Variants in EYA3 observed in about 807,000 individuals in gnomAD.
The protein encoded by EYA3 is protein phosphatase EYA3.
Under a neutral mutation model 80.0 loss-of-function variants are expected in EYA3, and 39 were observed. The observed-to-expected ratio is 0.49, with a 90% CI of 0.38 to 0.64. The LOEUF (loss-of-function observed/expected upper bound fraction) is 0.64, where lower values mean the gene tolerates loss of function less well. Ranked by LOEUF, EYA3 falls within the 30% of genes least tolerant of loss-of-function variation. EYA3 has a pLI of 0.00. For missense variants in EYA3, 523 were observed against 676.1 expected, an observed-to-expected ratio of 0.77 and a Z score of 2.51; for synonymous variants, 206 against 232.8, an observed-to-expected ratio of 0.88 and a Z score of 1.05.
chr1:28,035,141 T>C (rs974723309), intron 6 of EYA3, among the ~76,000 whole-genome samples: 9 of 151,998 alleles, frequency 5.9e-5, no homozygotes, highest in Admixed American at 5.9e-4. Context: ...GAGGGAGAAG[T>C]TGGCAAAAAA....
chr1:28,030,197 T>A (rs916095402), intron 6 of EYA3, among the ~76,000 whole-genome samples: 2 of 152,222 alleles, frequency 1.3e-5, no homozygotes, highest in Admixed American at 6.5e-5. Flanking sequence ...GATACTTCAG[T>A]GCAACTCAGA....
intron 2 of EYA3, among the ~76,000 whole-genome samples, chr1:28,049,032 A>T (rs1415157165): frequency 6.6e-6 from 1 of 152,216 alleles, no homozygotes; most frequent in Non-Finnish European, 1.5e-5. Context: ...TTCATATTAC[A>T]GAGAATCTGA....
At chr1:28,008,103 TTTTAG>T (rs541679249) in intron 10 of EYA3, among the ~76,000 whole-genome samples, 116 of 152,320 alleles carry the variant, frequency 7.6e-4, no homozygotes, top group Non-Finnish European at 1.4e-3. Flanking sequence ...CTTTTTCTTT[TTTTAG>T]TTTAGTTTTT....
At chr1:28,073,103 T>TTCTCTCTCTATATATATATATATATA (rs1447435853) in intron 1 of EYA3, among the ~76,000 whole-genome samples, 1 of 37,762 alleles carries the variant, frequency 2.6e-5, no homozygotes, top group Non-Finnish European at 4.3e-5. Flanking sequence ...GATGAAACTA[T>TTCTCTCTCTATATATATATATATATA]TATATATATA....
At chr1:28,061,680 A>C (rs1233521240) in intron 1 of EYA3, among the ~76,000 whole-genome samples, 1 of 152,040 alleles carries the variant, frequency 6.6e-6, no homozygotes, top group East Asian at 1.9e-4. Context: ...GCTCACTGCA[A>C]GCTCCGCCTC....
intron 4 of EYA3, among the ~76,000 whole-genome samples, chr1:28,041,853 G>C (rs1001041918): frequency 1.3e-5 from 2 of 152,050 alleles, no homozygotes; most frequent in Admixed American, 6.6e-5. Context: ...TTTGGAAGGA[G>C]CAAGAATACT....
rs1364478514 is a variant in EYA3, at chr1:28,013,461, A to G, written c.586-167T>C. The stretch of plus-strand genomic sequence containing the variant: ...CTCCAATCTAAATCAATGATTTTCA[A>G]AATGCATTCTGTGGAAACCTAAGTC... On this transcript the variant is annotated intron_variant, in intron 8 of 17. Transcript: ENST00000373871. This position sits in a 1 kb window ranked among gnomAD's most constrained non-coding sequence, Gnocchi z 4.0. Among the ~76,000 whole-genome samples the G allele has an allele frequency of 1.3e-5, 2 of 152,206 alleles. No individual in the cohort carries two copies. Among genetic ancestry groups the G allele is most frequent in the African/African-American group, 4.8e-5 (2 of 41,442 alleles).
At chr1:28,057,798 C>G (rs1644485018) in intron 2 of EYA3, among the ~76,000 whole-genome samples, 196 bp downstream of exon 2, 1 of 152,034 alleles carries the variant, frequency 6.6e-6, no homozygotes, top group African/African-American at 2.4e-5. Context: ...ATGCAATATT[C>G]ATTTCGTAAT....
In EYA3 at chr1:27,997,335, T is replaced by C. The variant is rs764046783; in HGVS notation, c.1127A>G (p.Asn376Ser). The change falls in exon 13 of 18, where the codon AAT (asparagine) becomes AGT (serine). Residue 376 changes from asparagine (N) to serine (S), a missense_variant. By Grantham distance (46) the Asn-to-Ser change is conservative. Coordinates refer to ENST00000373871, the MANE Select transcript of EYA3 (RefSeq NM_001990.4). Reference sequence around the variant, plus strand: ...TGTTTATCACCTCAAGTCTTGGCCATTGTCATCAGAAGCCACATCTTCCAC... The same window carrying C: ...TGTTTATCACCTCAAGTCTTGGCCACTGTCATCAGAAGCCACATCTTCCAC... ...VHVEDVASDD[N>S]GQDLSNYSFS... The C allele has an allele frequency of 5.6e-6, 9 of 1,614,038 alleles. No individual in the cohort carries two copies. Among genetic ancestry groups the C allele is most frequent in the Non-Finnish European group, 6.8e-6 (8 of 1,179,880 alleles).
chr1:28,021,121 G>GT (rs1642408680), intron 7 of EYA3, among the ~76,000 whole-genome samples: 1 of 152,148 alleles, frequency 6.6e-6, no homozygotes, highest in Admixed American at 6.5e-5. Flanking sequence ...GCAAGATTTA[G>GT]TTTTTACCCA....
At chr1:28,010,099 C>T (rs566302096) in intron 10 of EYA3, among the ~76,000 whole-genome samples, 1 of 152,122 alleles carries the variant, frequency 6.6e-6, no homozygotes, top group African/African-American at 2.4e-5. Flanking sequence ...TCACCTATGT[C>T]TTAAGAGCAC....
At chr1:28,040,848 G>A (rs537611786) in intron 4 of EYA3, among the ~76,000 whole-genome samples, 1 of 146,610 alleles carries the variant, frequency 6.8e-6, no homozygotes, top group East Asian at 2.0e-4. Context: ...GCCAAGGGCG[G>A]AGGGGCAGGG....
intron 1 of EYA3, among the ~76,000 whole-genome samples, chr1:28,076,041 C>T (rs1223202746): frequency 6.6e-6 from 1 of 152,198 alleles, no homozygotes; most frequent in East Asian, 1.9e-4. Flanking sequence ...TAGTGTGATC[C>T]TAAGAGAGTC....
chr1:27,989,777 C>G lies in EYA3; in HGVS notation c.1338G>C (p.Gln446His). Residue 446 changes from glutamine (Q) to histidine (H), a missense_variant, in exon 15 of 18, where the codon CAG (glutamine) becomes CAC (histidine). Coordinates refer to ENST00000373871, the MANE Select transcript of EYA3 (RefSeq NM_001990.4). Reference sequence around the variant, plus strand: ...AAACTTCAATTTCTGCTCTTAATCTCTGCAGTGCTTCCTTCCTCTGGGGAC... The same window carrying G: ...AAACTTCAATTTCTGCTCTTAATCTGTGCAGTGCTTCCTTCCTCTGGGGAC... The part of the protein sequence containing the change: ...LLSPQRKEAL[Q>H]RLRAEIEVLT... 6.2e-7 allele frequency: 1 copy of G among 1,611,522 alleles called. No individual in the cohort carries two copies. Among genetic ancestry groups the G allele is most frequent in the East Asian group, 2.2e-5 (1 of 44,636 alleles).
Position 28,013,296 on chromosome 1 carries a change from T to A in EYA3, c.586-2A>T. ...AAGAATAGTATAGGTGGGATAATCC[T>A]GCAGGCCAAAGGAAATAAGAAAACA... On this transcript the variant is annotated splice_acceptor_variant, in intron 8 of 17. Coordinates refer to ENST00000373871, the MANE Select transcript of EYA3 (RefSeq NM_001990.4). LOFTEE classifies it high-confidence loss of function. The surrounding 1 kb of genome is among the most constrained non-coding windows in gnomAD (Gnocchi z 4.0). 6.2e-7 allele frequency: 1 copy of A among 1,603,840 alleles called. No individual in the cohort carries two copies. The highest frequency in any genetic ancestry group is 8.5e-7 in the Non-Finnish European group (1 of 1,174,902).
intron 1 of EYA3, among the ~76,000 whole-genome samples, chr1:28,076,737 C>CTTT (rs1024335865): frequency 1.4e-4 from 16 of 115,090 alleles, no homozygotes; most frequent in East Asian, 5.3e-4. Context: ...TTTATAATTT[C>CTTT]TTTTTTTTTT....
At chr1:27,986,347 A>C (rs1244821428) in intron 16 of EYA3, among the ~76,000 whole-genome samples, 1 of 152,002 alleles carries the variant, frequency 6.6e-6, no homozygotes, top group Non-Finnish European at 1.5e-5. Flanking sequence ...CCTGAGCAAC[A>C]AGAGCGAAAC....
intron 7 of EYA3, among the ~76,000 whole-genome samples, chr1:28,025,722 G>A (rs1642741000): frequency 6.6e-6 from 1 of 152,112 alleles, no homozygotes; most frequent in Non-Finnish European, 1.5e-5. Flanking sequence ...GGTTAGTGAA[G>A]TTTAAGGGAT....
chr1:28,064,567 C>T (rs749532086), intron 1 of EYA3, among the ~76,000 whole-genome samples: 6 of 152,050 alleles, frequency 3.9e-5, no homozygotes, highest in Admixed American at 6.6e-5. Flanking sequence ...CCTGTCTACA[C>T]CATTCTTTAA....
Sources: gnomAD v4.1 joint callset for allele counts (sites outside exome capture counted in the v4.1 genomes callset) on GRCh38, gnomAD v4.1.1 for gene constraint, Gnocchi (gnomAD v3.1) non-coding constraint, MANE v1.5 for transcripts, NCBI Gene and HGNC (gene_info 2026-07-23, HGNC 2026-07-21) for gene names.